TRIP12: variants seen among roughly 807,000 people sequenced by gnomAD.
TRIP12 encodes the protein thyroid hormone receptor interactor 12.
In TRIP12, 25 loss-of-function variants were observed where a neutral mutation model predicts 244.2. The observed-to-expected ratio is 0.10, with a 90% confidence interval of 0.07 to 0.14. TRIP12 has a LOEUF of 0.14. Among genes scored for constraint, TRIP12 ranks in the 10% least tolerant of loss-of-function variants. The pLI is 1.00. For synonymous variants in TRIP12, 905 were observed against 873.1 expected, an observed-to-expected ratio of 1.04 and a Z score of -0.64; for missense variants, 1,677 against 2,486.4, an observed-to-expected ratio of 0.67 and a Z score of 6.92.
At chr2:229,895,986 T>TA (rs1204170269) in intron 1 of TRIP12, among the ~76,000 whole-genome samples, 3 of 151,828 alleles carry the variant, frequency 2.0e-5, no homozygotes, top group Non-Finnish European at 2.9e-5. Flanking sequence ...ACACCATCTC[T>TA]AAAAAAATAA....
In TRIP12 at chr2:229,778,427, A is replaced by C; in HGVS notation, c.5364+6T>G. Reference sequence around the variant, plus strand: ...AACTGCAAAAAGCAAACCATCCTAAACTTACCAATCTGAAATCCATGATAG... The same window carrying C: ...AACTGCAAAAAGCAAACCATCCTAACCTTACCAATCTGAAATCCATGATAG... On this transcript the variant is annotated splice_donor_region_variant and intron_variant, in intron 36 of 41. Coordinates refer to ENST00000675903, the MANE Select transcript of TRIP12 (RefSeq NM_001348323.3). This position sits in a 1 kb window ranked among gnomAD's most constrained non-coding sequence, Gnocchi z 4.1. The C allele has an allele frequency of 6.2e-7, 1 of 1,613,884 alleles. No homozygotes were observed. The highest frequency in any genetic ancestry group is 8.5e-7 in the Non-Finnish European group (1 of 1,179,828).
intron 1 of TRIP12, among the ~76,000 whole-genome samples, chr2:229,883,586 G>A (rs1486721984): frequency 6.6e-6 from 1 of 151,992 alleles, no homozygotes; most frequent in African/African-American, 2.4e-5. Context: ...TCTAACCATG[G>A]CCATACCTTC....
At chr2:229,789,564 A>T in intron 31 of TRIP12, 47 bp downstream of exon 31, 1 of 1,580,436 alleles carries the variant, frequency 6.3e-7, no homozygotes, top group Non-Finnish European at 8.6e-7. Context: ...TAGGAAATTT[A>T]TCAATCACAG....
At chr2:229,850,738 G>C (rs1297940723) in intron 4 of TRIP12, among the ~76,000 whole-genome samples, 2 of 152,236 alleles carry the variant, frequency 1.3e-5, no homozygotes, top group African/African-American at 4.8e-5. Context: ...GAGTGGGAAC[G>C]GGGGCTGCAC....
Position 229,792,809 on chromosome 2 carries a change from T to C in TRIP12, c.4141+164A>G, listed in dbSNP as rs145122703. 2.4e-3 allele frequency among the ~76,000 whole-genome samples: 358 copies of C among 152,332 alleles called. 1 individual carries two copies. The highest frequency in any genetic ancestry group is 8.0e-3 in the African/African-American group (333 of 41,572). On this transcript the variant is annotated intron_variant, in intron 27 of 41. Coordinates refer to ENST00000675903, the MANE Select transcript of TRIP12 (RefSeq NM_001348323.3). ...CAGTCAACCCCTAGTAAGTTCAATGTATGACTATATACTAAGTAGAAAATA... is the reference window on the plus strand; with the variant it reads ...CAGTCAACCCCTAGTAAGTTCAATGCATGACTATATACTAAGTAGAAAATA...
intron 8 of TRIP12, among the ~76,000 whole-genome samples, chr2:229,828,203 A>C (rs1254291565): frequency 6.6e-6 from 1 of 152,198 alleles, no homozygotes; most frequent in Non-Finnish European, 1.5e-5. Context: ...GGTCATGGGC[A>C]CAAAGAGGTG....
At chr2:229,888,396 G>A (rs2066505785) in intron 1 of TRIP12, among the ~76,000 whole-genome samples, 1 of 152,084 alleles carries the variant, frequency 6.6e-6, no homozygotes. Context: ...ACAGCATAAA[G>A]AGAGGAATAC....
chr2:229,910,035 GA>G (rs2073962506), intron 1 of TRIP12, among the ~76,000 whole-genome samples: 1 of 152,152 alleles, frequency 6.6e-6, no homozygotes, highest in Non-Finnish European at 1.5e-5. Context: ...CTGAAACCAA[GA>G]TAACTCCTTT....
intron 10 of TRIP12, 31 bp downstream of exon 10, chr2:229,815,242 A>G: frequency 6.5e-7 from 1 of 1,547,476 alleles, no homozygotes; most frequent in Non-Finnish European, 8.9e-7. Flanking sequence ...ACTTAAATAT[A>G]CACCATTAAA....
intron 2 of TRIP12, among the ~76,000 whole-genome samples, chr2:229,868,130 G>C (rs1276924383): frequency 6.6e-6 from 1 of 152,212 alleles, no homozygotes; most frequent in Non-Finnish European, 1.5e-5. Flanking sequence ...TGCCTAATTA[G>C]AGCAGTAAGA....
intron 4 of TRIP12, among the ~76,000 whole-genome samples, chr2:229,853,061 T>A (rs908519938): frequency 6.6e-6 from 1 of 152,188 alleles, no homozygotes; most frequent in Non-Finnish European, 1.5e-5. Flanking sequence ...ATACTGTTGT[T>A]CCTACAATTT....
At position 229,795,059 on chromosome 2, in the gene TRIP12, C is replaced by T; in HGVS notation, c.3968+120G>A. ...CTTTAGAGTGCTTAATTTCTTTCAT[C>T]ATTACAGCTGAATGTTTTCTGGGCC... On this transcript the variant is annotated intron_variant, in intron 26 of 41. Transcript: ENST00000675903. 4 of 1,196,944 alleles carry T rather than the reference C, an allele frequency of 3.3e-6. No individual in the cohort carries two copies. The South Asian group carries it at 5.0e-5, about 15-fold the overall frequency. The allele number at this position is 1,196,944 out of a possible 1,614,324, so 74.1% of individuals were successfully genotyped here. A position where few individuals can be genotyped will look rare whatever the true frequency, so the allele number is the denominator to read the frequency against.
chr2:229,811,642 T>C (rs1258208402), intron 13 of TRIP12, among the ~76,000 whole-genome samples: 1 of 152,160 alleles, frequency 6.6e-6, no homozygotes, highest in African/African-American at 2.4e-5. Flanking sequence ...AAATAGGGCA[T>C]AGACTTGCAA....
chr2:229,812,953 A>G (rs767291906), intron 13 of TRIP12, among the ~76,000 whole-genome samples: 3 of 152,218 alleles, frequency 2.0e-5, no homozygotes, highest in Non-Finnish European at 4.4e-5. Context: ...CAACGCTTTA[A>G]AATATTTCTC....
chr2:229,842,705 T>C (rs1473069774), intron 4 of TRIP12, among the ~76,000 whole-genome samples: 4 of 152,168 alleles, frequency 2.6e-5, no homozygotes, highest in African/African-American at 9.7e-5. Context: ...GATACAGTAA[T>C]AGACAGTAGC....
chr2:229,885,350 A>G (rs1341849971), intron 1 of TRIP12, among the ~76,000 whole-genome samples: 3 of 152,336 alleles, frequency 2.0e-5, no homozygotes, highest in East Asian at 3.9e-4. Flanking sequence ...TACTTTACTC[A>G]TTTTGTAAAA....
intron 26 of TRIP12, 65 bp downstream of exon 26, chr2:229,795,114 C>G: frequency 6.4e-7 from 1 of 1,556,858 alleles, no homozygotes; most frequent in Non-Finnish European, 8.7e-7. Flanking sequence ...CTCTTGCCAT[C>G]TTACTTCAGT....
intron 1 of TRIP12, among the ~76,000 whole-genome samples, chr2:229,915,244 C>T (rs960252770): frequency 1.3e-5 from 2 of 151,984 alleles, no homozygotes; most frequent in African/African-American, 4.8e-5. Context: ...CACAGCGAAA[C>T]TCAATCTCAA....
chr2:229,856,041 GA>G (rs34935047), intron 4 of TRIP12, among the ~76,000 whole-genome samples: 6,048 of 97,182 alleles, frequency 0.062, 350 homozygotes, highest in African/African-American at 0.19. Context: ...CTCTGTCTCA[GA>G]AAAAAAAAAA....
Sources: allele counts gnomAD v4.1 joint callset (sites outside exome capture counted in the v4.1 genomes callset), GRCh38; gene constraint gnomAD v4.1.1; non-coding constraint Gnocchi (gnomAD v3.1); transcripts MANE v1.5; gene names NCBI Gene and HGNC (gene_info 2026-07-23, HGNC 2026-07-21).